C1orf21: variants seen among roughly 807,000 people sequenced by gnomAD.
The protein encoded by C1orf21 is uncharacterized protein C1orf21.
In C1orf21, 3 loss-of-function variants were observed where a neutral mutation model predicts 18.7. That is an observed-to-expected ratio of 0.16 (90% confidence interval 0.07 to 0.42). The LOEUF (loss-of-function observed/expected upper bound fraction) is 0.42. Ranked by LOEUF, C1orf21 falls within the 10% of genes least tolerant of loss-of-function variation. The pLI is 0.99. For missense variants in C1orf21, 104 were observed against 143.6 expected (o/e 0.72, Z 1.41); for synonymous variants, 41 against 46.4 (o/e 0.88, Z 0.47).
In C1orf21 at chr1:184,473,737, C is replaced by G. The variant is rs555396071; in HGVS notation, c.-124-3649C>G. On this transcript the variant is annotated intron_variant, in intron 1 of 5. Transcript: ENST00000235307. ...CTAACCTGACATTTCTTGATATGCTCCATTCCAAAGCTGAGCCAAATGCCT... is the reference window on the plus strand; with the variant it reads ...CTAACCTGACATTTCTTGATATGCTGCATTCCAAAGCTGAGCCAAATGCCT... 1.7e-3 allele frequency among the ~76,000 whole-genome samples: 258 copies of G among 152,284 alleles called. 1 individual carries two copies. Among genetic ancestry groups the G allele is most frequent in the Non-Finnish European group, 3.0e-3 (206 of 68,034 alleles).
At chr1:184,419,294 A>T (rs1656508906) in intron 1 of C1orf21, among the ~76,000 whole-genome samples, 1 of 152,226 alleles carries the variant, frequency 6.6e-6, no homozygotes, top group Non-Finnish European at 1.5e-5. Context: ...TCCTGTGCAT[A>T]GTAAATTTTC....
chr1:184,454,761 G>A (rs564277833), intron 1 of C1orf21, among the ~76,000 whole-genome samples: 1 of 152,164 alleles, frequency 6.6e-6, no homozygotes, highest in Admixed American at 6.6e-5. Flanking sequence ...CCTAGAAGGT[G>A]GGCATGTGCT....
rs558659952 is a variant in C1orf21, at chr1:184,626,348, G to A, written c.*6792G>A. On this transcript the variant is annotated 3_prime_UTR_variant, in exon 6 of 6. Transcript: ENST00000235307. ...GCCCGGATGTGTCAGAGGACTGAGG[G>A]AGAGTGTTACTAAAGGACTTTCAGG... 1 of 152,378 alleles carries A rather than the reference G, an allele frequency of 6.6e-6. No individual in the cohort carries two copies. Among genetic ancestry groups the A allele is most frequent in the South Asian group, 2.1e-4 (1 of 4,820 alleles). 9.4% of individuals were successfully genotyped at this position (152,378 alleles called of 1,614,324 possible). A position where few individuals can be genotyped will look rare whatever the true frequency, so the allele number is the denominator to read the frequency against.
At chr1:184,587,697 G>C (rs1366757350) in intron 3 of C1orf21, among the ~76,000 whole-genome samples, 1 of 147,854 alleles carries the variant, frequency 6.8e-6, no homozygotes, top group African/African-American at 2.5e-5. Flanking sequence ...CTGTTGCCCA[G>C]GCTGGAGTGC....
chr1:184,509,233 G>T (rs903463607), intron 3 of C1orf21, among the ~76,000 whole-genome samples: 1 of 152,068 alleles, frequency 6.6e-6, no homozygotes, highest in African/African-American at 2.4e-5. Flanking sequence ...TCATATTTAG[G>T]ACCAGTATAA....
intron 3 of C1orf21, among the ~76,000 whole-genome samples, chr1:184,575,733 G>A (rs1659177179): frequency 6.6e-6 from 1 of 151,442 alleles, no homozygotes; most frequent in Admixed American, 6.6e-5. Context: ...GTTCATACCA[G>A]ATGAATTAGA....
intron 3 of C1orf21, among the ~76,000 whole-genome samples, chr1:184,543,591 T>C (rs1658689048): frequency 6.6e-6 from 1 of 152,220 alleles, no homozygotes; most frequent in Admixed American, 6.5e-5. Flanking sequence ...TGATGTGATA[T>C]GTCCACTGTA....
chr1:184,510,366 G>A (rs1448328947), intron 3 of C1orf21, among the ~76,000 whole-genome samples: 1 of 152,206 alleles, frequency 6.6e-6, no homozygotes, highest in Admixed American at 6.5e-5. Context: ...GATCCTCAGG[G>A]TGCTTGTATT....
chr1:184,417,986 G>A (rs1289435775), intron 1 of C1orf21, among the ~76,000 whole-genome samples: 2 of 152,192 alleles, frequency 1.3e-5, no homozygotes. Context: ...GGTTAAGGTG[G>A]TGATGGTAGC....
intron 3 of C1orf21, among the ~76,000 whole-genome samples, chr1:184,590,300 T>C (rs1384321694): frequency 6.6e-6 from 1 of 152,222 alleles, no homozygotes; most frequent in African/African-American, 2.4e-5. Context: ...CCTGTTCCTG[T>C]CACGGCTAGG....
chr1:184,439,233 AC>A (rs752313741), intron 1 of C1orf21, among the ~76,000 whole-genome samples: 5 of 151,754 alleles, frequency 3.3e-5, no homozygotes, highest in Non-Finnish European at 7.4e-5. Flanking sequence ...CAAAACCAAA[AC>A]AAAACTGTTC....
intron 5 of C1orf21, among the ~76,000 whole-genome samples, chr1:184,605,235 A>C (rs1207330494): frequency 6.6e-6 from 1 of 152,110 alleles, no homozygotes; most frequent in African/African-American, 2.4e-5. Flanking sequence ...TTTGGCAGTC[A>C]TGGATGTTGC....
chr1:184,419,547 G>A lies in C1orf21; in HGVS notation c.-125+32179G>A, dbSNP rs545760375. Among the ~76,000 whole-genome samples, 5 of 152,164 alleles carry A rather than the reference G, an allele frequency of 3.3e-5. No individual in the cohort carries two copies. The East Asian group carries it at 5.8e-4, about 18-fold the overall frequency. ...CAATGCAAATCTCAGCCCTCGAGGAGCATATACTTTAGAACTGGAGGAAAC... is the reference window on the plus strand; with the variant it reads ...CAATGCAAATCTCAGCCCTCGAGGAACATATACTTTAGAACTGGAGGAAAC... On this transcript the variant is annotated intron_variant, in intron 1 of 5. Coordinates refer to ENST00000235307, the MANE Select transcript of C1orf21 (RefSeq NM_030806.4).
At chr1:184,491,416 C>G (rs1259553153) in intron 2 of C1orf21, among the ~76,000 whole-genome samples, 1 of 151,550 alleles carries the variant, frequency 6.6e-6, no homozygotes, top group Non-Finnish European at 1.5e-5. Flanking sequence ...ATGGCACGAT[C>G]CCAGCTCATT....
At chr1:184,493,818 TG>T (rs1657851324) in intron 2 of C1orf21, among the ~76,000 whole-genome samples, 1 of 152,234 alleles carries the variant, frequency 6.6e-6, no homozygotes, top group African/African-American at 2.4e-5. Flanking sequence ...TTTCCTCCTT[TG>T]TTTCTTGCCT....
At chr1:184,418,558 C>T (rs1656496849) in intron 1 of C1orf21, among the ~76,000 whole-genome samples, 1 of 152,194 alleles carries the variant, frequency 6.6e-6, no homozygotes. Flanking sequence ...CTGGACTTAG[C>T]TGTCTGACTT....
chr1:184,460,712 C>CTTTTT (rs1657295387), intron 1 of C1orf21, among the ~76,000 whole-genome samples: 2 of 104,702 alleles, frequency 1.9e-5, no homozygotes, highest in African/African-American at 3.9e-5. Context: ...TTCTCTTCTT[C>CTTTTT]CTTTTTTTTT....
intron 3 of C1orf21, among the ~76,000 whole-genome samples, chr1:184,579,331 C>T (rs1468756903): frequency 6.8e-6 from 1 of 146,494 alleles, no homozygotes; most frequent in Non-Finnish European, 1.5e-5. Context: ...GGATTATAGG[C>T]ATGAACTACT....
At chr1:184,581,191 C>T (rs920106618) in intron 3 of C1orf21, among the ~76,000 whole-genome samples, 1 of 152,116 alleles carries the variant, frequency 6.6e-6, no homozygotes, top group Non-Finnish European at 1.5e-5. Context: ...CTTTTTGAGG[C>T]CAAGGCAGGT....
Sources: allele counts gnomAD v4.1 joint callset (sites outside exome capture counted in the v4.1 genomes callset), GRCh38; gene constraint gnomAD v4.1.1; transcripts MANE v1.5; gene names NCBI Gene and HGNC (gene_info 2026-07-23, HGNC 2026-07-21).